Variants in SPACA7 observed in about 807,000 individuals in gnomAD.
The protein encoded by SPACA7 is sperm acrosome-associated protein 7.
SPACA7 carries 19 observed loss-of-function variants against 26.3 expected under a neutral mutation model. The ratio of observed to expected loss-of-function variants is 0.72; its 90% CI spans 0.50 to 1.06. The LOEUF (loss-of-function observed/expected upper bound fraction) is 1.06. Ranked by LOEUF, SPACA7 falls within the 50% of genes least tolerant of loss-of-function variation. SPACA7 has a pLI of 0.00. For synonymous variants in SPACA7, 84 were observed against 84.5 expected, an observed-to-expected ratio of 0.99 and a Z score of 0.04; for missense variants, 211 against 229.9, an observed-to-expected ratio of 0.92 and a Z score of 0.53.
intron 5 of SPACA7, among the ~76,000 whole-genome samples, chr13:112,407,461 A>G (rs995963545): frequency 6.6e-6 from 1 of 152,242 alleles, no homozygotes; most frequent in Non-Finnish European, 1.5e-5. Context: ...CAGAATTGAT[A>G]GACCTCTAGC....
At chr13:112,387,386 C>A (rs1173678443) in intron 1 of SPACA7, among the ~76,000 whole-genome samples, 1 of 152,242 alleles carries the variant, frequency 6.6e-6, no homozygotes, top group Admixed American at 6.5e-5. Flanking sequence ...GCTTGAAAAG[C>A]AGGCTTGAAA....
At chr13:112,384,736 T>C (rs1049532140) in intron 1 of SPACA7, among the ~76,000 whole-genome samples, 1 of 152,150 alleles carries the variant, frequency 6.6e-6, no homozygotes, top group African/African-American at 2.4e-5. Context: ...CAAGACCCAA[T>C]AAAGACAGCA....
intron 5 of SPACA7, among the ~76,000 whole-genome samples, chr13:112,405,721 C>T (rs1168577877): frequency 6.6e-6 from 1 of 152,184 alleles, no homozygotes; most frequent in Admixed American, 6.5e-5. Context: ...TTACATTTTA[C>T]ACCTATTCAA....
intron 5 of SPACA7, among the ~76,000 whole-genome samples, chr13:112,401,743 A>G (rs1885657474): frequency 6.6e-6 from 1 of 152,172 alleles, no homozygotes; most frequent in South Asian, 2.1e-4. Context: ...TAGCTCTTGG[A>G]TCCATTTGGA....
In SPACA7 at chr13:112,428,830, T is replaced by G. The variant is rs112362238; in HGVS notation, c.446-3614T>G. 7.5e-3 allele frequency among the ~76,000 whole-genome samples: 1,146 copies of G among 152,272 alleles called. 2 individuals are homozygous for G. Among genetic ancestry groups the G allele is most frequent in the Non-Finnish European group, 0.011 (716 of 68,026 alleles). Reference sequence around the variant, plus strand: ...GTATGTGTATTATACTGTTAAGAGGTGGACTGTTCTATAAATGTCAATTAG... The same window carrying G: ...GTATGTGTATTATACTGTTAAGAGGGGGACTGTTCTATAAATGTCAATTAG... On this transcript the variant is annotated intron_variant, in intron 5 of 6. Transcript: ENST00000283550.
At chr13:112,397,670 A>G (rs1166627398) in intron 2 of SPACA7, among the ~76,000 whole-genome samples, 1 of 152,170 alleles carries the variant, frequency 6.6e-6, no homozygotes, top group Non-Finnish European at 1.5e-5. Context: ...CACAGAGATC[A>G]GGAGCGACGC....
chr13:112,385,263 A>C (rs1225735630), intron 1 of SPACA7, among the ~76,000 whole-genome samples: 1 of 152,200 alleles, frequency 6.6e-6, no homozygotes, highest in Non-Finnish European at 1.5e-5. Context: ...TCTCTGAACT[A>C]GACAAAATTG....
chr13:112,382,915 G>A (rs1343230059), intron 1 of SPACA7, among the ~76,000 whole-genome samples: 4 of 151,732 alleles, frequency 2.6e-5, no homozygotes, highest in Non-Finnish European at 5.9e-5. Flanking sequence ...GTTGAACCTG[G>A]GAGGCAGCAG....
At chr13:112,386,774 T>C (rs1884554323) in intron 1 of SPACA7, among the ~76,000 whole-genome samples, 1 of 152,178 alleles carries the variant, frequency 6.6e-6, no homozygotes, top group Non-Finnish European at 1.5e-5. Context: ...TGGTGCTCTT[T>C]AAAAAAGAAA....
intron 5 of SPACA7, among the ~76,000 whole-genome samples, chr13:112,418,546 A>G (rs1305343763): frequency 6.6e-6 from 1 of 152,192 alleles, no homozygotes; most frequent in African/African-American, 2.4e-5. Flanking sequence ...AATCTGTGAA[A>G]CCAGCATGAT....
chr13:112,426,387 C>T (rs1876535940), intron 5 of SPACA7, among the ~76,000 whole-genome samples: 1 of 152,172 alleles, frequency 6.6e-6, no homozygotes, highest in Non-Finnish European at 1.5e-5. Context: ...TCTGGCTATT[C>T]TAGTGCCTTT....
chr13:112,377,618 C>T (rs1203514589), intron 1 of SPACA7, among the ~76,000 whole-genome samples: 1 of 152,144 alleles, frequency 6.6e-6, no homozygotes, highest in African/African-American at 2.4e-5. Context: ...TAAAAGACTT[C>T]ACAGGATTCC....
At chr13:112,401,547 TGTTA>T (rs927969798) in intron 5 of SPACA7, among the ~76,000 whole-genome samples, 17 of 152,210 alleles carry the variant, frequency 1.1e-4, no homozygotes, top group Non-Finnish European at 2.4e-4. Context: ...TGTTGGGGTT[TGTTA>T]GTTGACTTTT....
intron 1 of SPACA7, among the ~76,000 whole-genome samples, chr13:112,388,950 G>A (rs564736631): frequency 6.6e-6 from 1 of 152,216 alleles, no homozygotes; most frequent in Non-Finnish European, 1.5e-5. Context: ...ATCCATCTGG[G>A]TGGTGCCAGC....
intron 5 of SPACA7, among the ~76,000 whole-genome samples, chr13:112,406,962 T>G (rs1391787377): frequency 6.6e-6 from 1 of 152,126 alleles, no homozygotes; most frequent in Non-Finnish European, 1.5e-5. Flanking sequence ...ACCACATAGT[T>G]GGAAGTAAAG....
rs533021307 is a variant in SPACA7, at chr13:112,427,861, A to G, written c.446-4583A>G. 2.0e-4 allele frequency among the ~76,000 whole-genome samples: 31 copies of G among 151,984 alleles called. No homozygotes were observed. In the South Asian group the frequency reaches 6.4e-3, roughly 32 times the overall value. ...TTTTCACAATAGTTTTTTTTTATTC[A>G]TTTTCAGTGTCTGCAGGAACTGTAG... On this transcript the variant is annotated intron_variant, in intron 5 of 6. Coordinates refer to ENST00000283550, the MANE Select transcript of SPACA7 (RefSeq NM_145248.5).
intron 5 of SPACA7, among the ~76,000 whole-genome samples, chr13:112,429,389 A>G (rs983591026): frequency 3.6e-4 from 55 of 151,750 alleles, no homozygotes; most frequent in African/African-American, 1.1e-3. Flanking sequence ...AAAAAAAAAA[A>G]GAAAGAAAGA....
chr13:112,415,437 T>C (rs960680237), intron 5 of SPACA7, among the ~76,000 whole-genome samples: 33 of 152,330 alleles, frequency 2.2e-4, no homozygotes, highest in Middle Eastern at 3.4e-3. Context: ...GCTGGTATTA[T>C]GGTCTTCCAG....
intron 1 of SPACA7, among the ~76,000 whole-genome samples, chr13:112,391,414 C>T (rs1424784534): frequency 6.6e-6 from 1 of 152,122 alleles, no homozygotes; most frequent in Non-Finnish European, 1.5e-5. Flanking sequence ...GAGAGGAGAG[C>T]AGTTAACGTG....
Sources: gnomAD v4.1 joint callset for allele counts (sites outside exome capture counted in the v4.1 genomes callset) on GRCh38, gnomAD v4.1.1 for gene constraint, MANE v1.5 for transcripts, NCBI Gene and HGNC (gene_info 2026-07-23, HGNC 2026-07-21) for gene names.